Variants in PSME4 observed in about 807,000 individuals in gnomAD.
PSME4 encodes the protein proteasome activator subunit 4, also known as proteasome activator complex subunit 4.
Under a neutral mutation model 253.9 loss-of-function variants are expected in PSME4, and 89 were observed. The ratio of observed to expected loss-of-function variants is 0.35; its 90% CI spans 0.30 to 0.42. The LOEUF is 0.42. PSME4 is among the 10% of genes least tolerant of loss of function. The probability of loss-of-function intolerance (pLI) is 1.00; values close to 1 mark genes in which losing one functional copy is unlikely to be tolerated. For missense variants in PSME4, 2,014 were observed against 2,195.2 expected, an observed-to-expected ratio of 0.92 and a Z score of 1.65; for synonymous variants, 851 against 759.2, an observed-to-expected ratio of 1.12 and a Z score of -1.99.
At chr2:53,924,697 A>G (rs1668478877) in intron 14 of PSME4, among the ~76,000 whole-genome samples, 1 of 152,168 alleles carries the variant, frequency 6.6e-6, no homozygotes, top group Non-Finnish European at 1.5e-5. Flanking sequence ...ATATGTATAC[A>G]TGTGCCATGT....
chr2:53,874,433 A>G lies in PSME4; in HGVS notation c.5006T>C (p.Val1669Ala). Residue 1669 changes from valine to alanine, a missense_variant, in exon 43 of 47, where the codon GTA becomes GCA. By Grantham distance (64) the Val-to-Ala change is moderately conservative. Coordinates refer to ENST00000404125, the MANE Select transcript of PSME4 (RefSeq NM_014614.3). ...TAGGAAAATAAAGAGGTTATAAAATACCATGGTCTGGAGGTAGGTCAGTAC... is the reference window on the plus strand; with the variant it reads ...TAGGAAAATAAAGAGGTTATAAAATGCCATGGTCTGGAGGTAGGTCAGTAC... ...YTVLTYLQTM[V>A]FYNLFIFLNN... 2 of 1,614,074 alleles carry G rather than the reference A, an allele frequency of 1.2e-6. No homozygotes were observed. Among genetic ancestry groups the G allele is most frequent in the South Asian group, 2.2e-5 (2 of 91,080 alleles).
At chr2:53,955,575 G>A (rs192466120) in intron 1 of PSME4, among the ~76,000 whole-genome samples, 1 of 152,096 alleles carries the variant, frequency 6.6e-6, no homozygotes, top group Admixed American at 6.6e-5. Context: ...ATAAAGCAAG[G>A]CTCAAAACAA....
At chr2:53,867,531 T>C (rs1374584062) in intron 44 of PSME4, among the ~76,000 whole-genome samples, 1 of 142,386 alleles carries the variant, frequency 7.0e-6, no homozygotes, top group Non-Finnish European at 1.5e-5. Context: ...AAGCTAGGCA[T>C]GGCAGTGCAT....
chr2:53,967,995 G>A (rs551050480), intron 1 of PSME4, among the ~76,000 whole-genome samples: 2 of 152,032 alleles, frequency 1.3e-5, no homozygotes, highest in Admixed American at 6.6e-5. Flanking sequence ...AGTCCAGGCC[G>A]GGTGCGGTGG....
intron 11 of PSME4, 133 bp from the exon 12 acceptor site, chr2:53,927,616 C>G (rs1232367800): frequency 4.2e-6 from 3 of 716,946 alleles, no homozygotes; most frequent in Non-Finnish European, 7.2e-6. Context: ...CTGGGTATTC[C>G]TCATTTAGAA....
At chr2:53,890,003 A>G (rs1331846417) in intron 37 of PSME4, 101 bp downstream of exon 37, 2 of 939,558 alleles carry the variant, frequency 2.1e-6, no homozygotes, top group Non-Finnish European at 3.3e-6. Context: ...ACAAAACCCA[A>G]AAAGATTTAA....
At chr2:53,900,949 T>A (rs1680370280) in intron 28 of PSME4, among the ~76,000 whole-genome samples, 1 of 152,126 alleles carries the variant, frequency 6.6e-6, no homozygotes, top group African/African-American at 2.4e-5. Flanking sequence ...GTCTTTCGAG[T>A]CAAATCATTC....
rs374702990 is a variant in PSME4, at chr2:53,970,871, C to A, written c.-87G>T. The A allele has an allele frequency of 4.2e-6, 5 of 1,190,646 alleles. No individual in the cohort carries two copies. The highest frequency in any genetic ancestry group is 5.6e-6 in the Non-Finnish European group (5 of 897,188). The allele number at this position is 1,190,646 out of a possible 1,614,324, so 73.8% of individuals were successfully genotyped here. ...CCGGGCTCCGCCTCCTCCGCGTCTTCGTCGCCCTGCGGCCGCTGGCGGCCC... is the reference window on the plus strand; with the variant it reads ...CCGGGCTCCGCCTCCTCCGCGTCTTAGTCGCCCTGCGGCCGCTGGCGGCCC... On this transcript the variant is annotated 5_prime_UTR_variant, in exon 1 of 47. Transcript: ENST00000404125.
At position 53,968,001 on chromosome 2, in the gene PSME4, G is replaced by C. The variant is rs761443340; in HGVS notation, c.242+2542C>G. 2.6e-5 allele frequency among the ~76,000 whole-genome samples: 4 copies of C among 152,114 alleles called. No individual in the cohort carries two copies. The East Asian group carries it at 7.7e-4, about 29-fold the overall frequency. ...CAAGAATTTAGTCCAGGCCGGGTGC[G>C]GTGGCTCACACATGTAATCCCAGCA... On this transcript the variant is annotated intron_variant, in intron 1 of 46. Coordinates refer to ENST00000404125, the MANE Select transcript of PSME4 (RefSeq NM_014614.3).
chr2:53,927,244 C>A, intron 12 of PSME4, 150 bp downstream of exon 12: 1 of 597,534 alleles, frequency 1.7e-6, no homozygotes, highest in Non-Finnish European at 2.9e-6. Context: ...ACTCTCTTGC[C>A]AATGATGTCC....
At chr2:53,900,665 T>G (rs1371226428) in intron 28 of PSME4, among the ~76,000 whole-genome samples, 1 of 152,208 alleles carries the variant, frequency 6.6e-6, no homozygotes, top group East Asian at 1.9e-4. Flanking sequence ...ACATCTCAAT[T>G]AAAATTTTTC....
chr2:53,890,507 A>G (rs1362629671), intron 36 of PSME4, among the ~76,000 whole-genome samples: 2 of 152,018 alleles, frequency 1.3e-5, no homozygotes, highest in African/African-American at 2.4e-5. Flanking sequence ...GGATCTTGCT[A>G]TGTTGCCCAG....
chr2:53,903,623 C>T (rs1573250546), intron 27 of PSME4, among the ~76,000 whole-genome samples: 1 of 152,132 alleles, frequency 6.6e-6, no homozygotes, highest in South Asian at 2.1e-4. Flanking sequence ...GGTCATACTA[C>T]TCTAAACTTC....
intron 41 of PSME4, among the ~76,000 whole-genome samples, chr2:53,879,020 G>A (rs1679259998): frequency 6.6e-6 from 1 of 152,074 alleles, no homozygotes; most frequent in Admixed American, 6.6e-5. Flanking sequence ...CTGCTGACAT[G>A]GGATGTCTCC....
At chr2:53,894,282 C>CT (rs984717284) in intron 34 of PSME4, among the ~76,000 whole-genome samples, 2 of 151,882 alleles carry the variant, frequency 1.3e-5, no homozygotes, top group East Asian at 1.9e-4. Context: ...TTTTTCTTTT[C>CT]TTTTTTTGGG....
In PSME4 at chr2:53,908,343, C is replaced by T; in HGVS notation, c.2761G>A (p.Val921Ile). ...FDSRWKSFNL[V>I]KKSMENRLHG... ...ACCCGATTTTCCATTGATTTCTTTACTAAGTTGAAGCTTTTCCATCGGGAG... is the reference window on the plus strand; with the variant it reads ...ACCCGATTTTCCATTGATTTCTTTATTAAGTTGAAGCTTTTCCATCGGGAG... The change falls in exon 24 of 47, where the codon GTA becomes ATA. Residue 921 changes from valine (V) to isoleucine (I), a missense_variant. Physicochemically the swap from Val to Ile is conservative, Grantham distance 29. This residue lies in a region of PSME4 where 989 missense variants were observed against 1,021.1 expected (regional missense o/e 0.97). Transcript: ENST00000404125. 6.2e-7 allele frequency: 1 copy of T among 1,612,080 alleles called. No homozygotes were observed.
Position 53,919,232 on chromosome 2 carries a change from T to C in PSME4, c.2435A>G (p.Gln812Arg). 6.3e-7 allele frequency: 1 copy of C among 1,585,704 alleles called. No individual in the cohort carries two copies. Among genetic ancestry groups the C allele is most frequent in the South Asian group, 1.2e-5 (1 of 84,602 alleles). Residue 812 changes from glutamine (Q) to arginine (R), a missense_variant, in exon 20 of 47, where the codon CAG becomes CGG. Around this residue, in one of 4 missense-constraint regions of PSME4, gnomAD observed 989 missense variants for 1,021.1 expected, o/e 0.97. Coordinates refer to ENST00000404125, the MANE Select transcript of PSME4 (RefSeq NM_014614.3). ...ACAGTTGTGCACTATAGTCAGACTCTGTAGAATATCATCTCTAGAAAAAAA... is the reference window on the plus strand; with the variant it reads ...ACAGTTGTGCACTATAGTCAGACTCCGTAGAATATCATCTCTAGAAAAAAA... ...KLEMSRDDIL[Q>R]SLTIVHNCLI...
At chr2:53,906,718 A>T (rs1190352108) in intron 25 of PSME4, 25 bp from the exon 26 acceptor site, 1 of 1,594,122 alleles carries the variant, frequency 6.3e-7, no homozygotes, top group Non-Finnish European at 8.5e-7. Flanking sequence ...GCAAACATTT[A>T]CTAAAATTTG....
intron 41 of PSME4, among the ~76,000 whole-genome samples, chr2:53,881,068 C>T (rs2104418441): frequency 6.6e-6 from 1 of 152,158 alleles, no homozygotes; most frequent in Admixed American, 6.5e-5. Flanking sequence ...TGAAAATGTT[C>T]TACTAAAAAC....
Sources: gnomAD v4.1 joint callset for allele counts (sites outside exome capture counted in the v4.1 genomes callset) on GRCh38, gnomAD v4.1.1 for gene constraint, gnomAD v4.1.1 regional missense constraint, MANE v1.5 for transcripts, NCBI Gene and HGNC (gene_info 2026-07-23, HGNC 2026-07-21) for gene names.